MDFIC: variants seen among roughly 807,000 people sequenced by gnomAD.
MDFIC encodes myoD family inhibitor domain-containing protein.
In MDFIC, 17 loss-of-function variants were observed where a neutral mutation model predicts 23.2. That is an observed-to-expected ratio of 0.73 (90% CI 0.50 to 1.10). MDFIC has a LOEUF of 1.10. Among genes scored for constraint, MDFIC ranks in the 50% least tolerant of loss-of-function variants. The probability of loss-of-function intolerance (pLI) is 0.00; values close to 1 mark genes in which losing one functional copy is unlikely to be tolerated. For missense variants in MDFIC, 356 were observed against 316.6 expected, an observed-to-expected ratio of 1.12 and a Z score of -0.95; for synonymous variants, 120 against 115.2, an observed-to-expected ratio of 1.04 and a Z score of -0.27.
Position 114,923,125 on chromosome 7 carries a change from A to C in MDFIC, c.92A>C (p.Gln31Pro). ...GGCGGCCAGCTGGGCTCCACAGCCC[A>C]GGGTGAGTGCGCGCTTGCAAGTGGC... ...AGGGQLGSTA[Q>P]GKCDKDNTEK... is the part of the protein sequence containing the mutation. The change falls in exon 2 of 5, where the codon CAG becomes CCG. Residue 31 changes from glutamine (Q) to proline (P), a missense_variant and splice_region_variant. Coordinates refer to ENST00000393486, the MANE Select transcript of MDFIC (RefSeq NM_001166345.3). 6.6e-7 allele frequency: 1 copy of C among 1,518,408 alleles called. No homozygotes were observed. The highest frequency in any genetic ancestry group is 8.8e-7 in the Non-Finnish European group (1 of 1,136,372). The allele number at this position is 1,518,408 out of a possible 1,614,324, so 94.1% of individuals were successfully genotyped here.
chr7:115,019,101 T>C lies in MDFIC; in HGVS notation c.*3166T>C, dbSNP rs1791854074. On this transcript the variant is annotated 3_prime_UTR_variant, in exon 5 of 5. Transcript: ENST00000393486. ...TAGAAAAACTAAGGTAATTTTACAA[T>C]ATATGCTGAGATTAAAAACCAAGGT... The C allele has an allele frequency of 6.6e-6, 1 of 151,912 alleles. No homozygotes were observed. Among genetic ancestry groups the C allele is most frequent in the Non-Finnish European group, 1.5e-5 (1 of 67,888 alleles). The allele number at this position is 151,912 out of a possible 1,614,324, so 9.4% of individuals were successfully genotyped here. A position where few individuals can be genotyped will look rare whatever the true frequency, so the allele number is the denominator to read the frequency against.
At chr7:114,953,484 G>A (rs1456263102) in intron 3 of MDFIC, among the ~76,000 whole-genome samples, 1 of 152,144 alleles carries the variant, frequency 6.6e-6, no homozygotes, top group East Asian at 1.9e-4. Flanking sequence ...TTACCAATCT[G>A]GTCCTGGATA....
At chr7:114,959,243 A>G (rs1792941999) in intron 3 of MDFIC, among the ~76,000 whole-genome samples, 1 of 152,198 alleles carries the variant, frequency 6.6e-6, no homozygotes, top group Admixed American at 6.5e-5. Context: ...CCTGGTCAGT[A>G]ATAATGACAG....
intron 4 of MDFIC, among the ~76,000 whole-genome samples, chr7:114,981,487 C>T (rs1190584881): frequency 2.0e-5 from 3 of 152,060 alleles, no homozygotes; most frequent in African/African-American, 7.2e-5. Flanking sequence ...CTCCCCCTTC[C>T]CTCCCTCTTT....
At chr7:115,003,862 A>T (rs1317827878) in intron 4 of MDFIC, among the ~76,000 whole-genome samples, 1 of 152,134 alleles carries the variant, frequency 6.6e-6, no homozygotes, top group African/African-American at 2.4e-5. Context: ...TCCATCTTAC[A>T]AATCTGAATT....
chr7:114,976,627 G>T (rs17137497), intron 3 of MDFIC, among the ~76,000 whole-genome samples: 2 of 152,064 alleles, frequency 1.3e-5, no homozygotes, highest in South Asian at 4.2e-4. Context: ...ACTGAAAAAC[G>T]GTAACAGGAT....
chr7:115,000,425 G>T (rs116470416), intron 4 of MDFIC, among the ~76,000 whole-genome samples: 130 of 152,220 alleles, frequency 8.5e-4, no homozygotes, highest in African/African-American at 3.0e-3. Flanking sequence ...AAAATCCTGG[G>T]TATTCTATGT....
chr7:114,979,777 T>G lies in MDFIC; in HGVS notation c.489T>G (p.Pro163=). Residue 163 remains proline (P), a synonymous_variant, in exon 4 of 5, where the codon CCT becomes CCG. Transcript: ENST00000393486. ...AVFSQKTGSS[P]EDCCVHCILA... The stretch of plus-strand genomic sequence containing the variant: ...TTTCCCAAAAGACAGGCTCTTCACC[T>G]GAAGGTAAGTTTGAGATATATGTAG... The G allele has an allele frequency of 6.2e-7, 1 of 1,612,924 alleles. No individual in the cohort carries two copies. The highest frequency in any genetic ancestry group is 8.5e-7 in the Non-Finnish European group (1 of 1,179,226).
chr7:114,937,830 G>T (rs756886240), intron 2 of MDFIC, among the ~76,000 whole-genome samples: 1 of 152,126 alleles, frequency 6.6e-6, no homozygotes, highest in South Asian at 2.1e-4. Context: ...GATGCCAGTG[G>T]TGTTCAACTA....
intron 2 of MDFIC, among the ~76,000 whole-genome samples, chr7:114,932,000 C>T (rs2594463): frequency 0.013 from 1,976 of 152,240 alleles, 38 homozygotes; most frequent in African/African-American, 0.045. Context: ...TGTTTGTAAA[C>T]GCAGACGCTG....
In MDFIC at chr7:114,942,313, C is replaced by G; in HGVS notation, c.133C>G (p.Gln45Glu). The G allele has an allele frequency of 1.9e-6, 3 of 1,584,730 alleles. No individual in the cohort carries two copies. The highest frequency in any genetic ancestry group is 2.6e-6 in the Non-Finnish European group (3 of 1,156,468). The change falls in exon 3 of 5, where the codon CAA becomes GAA. Residue 45 changes from glutamine to glutamate, a missense_variant. By Grantham distance (29) the Gln-to-Glu change is conservative. Coordinates refer to ENST00000393486, the MANE Select transcript of MDFIC (RefSeq NM_001166345.3). ...DKDNTEKDIT[Q>E]ATNSHFTHGE... ...AGACAATACTGAGAAAGATATAACT[C>G]AAGCTACCAATAGCCACTTCACACA...
intron 3 of MDFIC, among the ~76,000 whole-genome samples, chr7:114,950,302 A>C (rs1281488842): frequency 1.3e-5 from 2 of 152,180 alleles, no homozygotes; most frequent in East Asian, 1.9e-4. Flanking sequence ...GTAGCCAGTA[A>C]GACATATAGG....
intron 1 of MDFIC, 21 bp downstream of exon 1, chr7:114,922,657 G>A (rs746753075): frequency 1.5e-6 from 2 of 1,309,586 alleles, no homozygotes; most frequent in Non-Finnish European, 9.8e-7. Flanking sequence ...GTCTCCGGGC[G>A]GGGAAGAGGA....
At chr7:114,931,532 T>C (rs1376704281) in intron 2 of MDFIC, among the ~76,000 whole-genome samples, 2 of 152,184 alleles carry the variant, frequency 1.3e-5, no homozygotes, top group Non-Finnish European at 2.9e-5. Context: ...GAATGTATAG[T>C]TTTGCCCACA....
rs559191539 is a variant in MDFIC at position 114,955,268 on chromosome 7, C to G, written c.217+12871C>G. 2.6e-5 allele frequency among the ~76,000 whole-genome samples: 4 copies of G among 152,174 alleles called. No individual in the cohort carries two copies. In the East Asian group the frequency reaches 7.7e-4, roughly 29 times the overall value. On this transcript the variant is annotated intron_variant, in intron 3 of 4. Transcript: ENST00000393486. The stretch of plus-strand genomic sequence containing the variant: ...AAAATTGAAATAAATTGATTTTTTT[C>G]TCTACTACTTCCTTTCATGAACTTT...
intron 4 of MDFIC, among the ~76,000 whole-genome samples, chr7:114,999,003 T>G (rs1317566021): frequency 1.3e-5 from 2 of 152,154 alleles, no homozygotes; most frequent in African/African-American, 4.8e-5. Context: ...TACTCCAAAG[T>G]ACACCTTCCA....
Position 114,942,393 on chromosome 7 carries a change from T to C in MDFIC, c.213T>C (p.Ile71=). The change falls in exon 3 of 5, where the codon ATT becomes ATC. Residue 71 remains isoleucine (I), a synonymous_variant. Transcript: ENST00000393486. ...GAAATCCTTCGGATGGTGAACTCAT[T>C]AGAAGTAAGTATTTTTAGAAAAAAC... ...IWGNPSDGEL[I]RTQPQRLPQL... The C allele has an allele frequency of 6.4e-7, 1 of 1,570,802 alleles. No homozygotes were observed. The highest frequency in any genetic ancestry group is 8.6e-7 in the Non-Finnish European group (1 of 1,162,374).
At chr7:115,000,195 C>T (rs976302140) in intron 4 of MDFIC, among the ~76,000 whole-genome samples, 2 of 152,156 alleles carry the variant, frequency 1.3e-5, no homozygotes, top group African/African-American at 4.8e-5. Context: ...TATACAAATA[C>T]TTACCATTGT....
intron 3 of MDFIC, among the ~76,000 whole-genome samples, chr7:114,945,325 G>C (rs1792623274): frequency 6.6e-6 from 1 of 152,122 alleles, no homozygotes; most frequent in African/African-American, 2.4e-5. Flanking sequence ...CTAATTAAAG[G>C]GTGTATTCTC....
Sources: allele counts gnomAD v4.1 joint callset (sites outside exome capture counted in the v4.1 genomes callset), GRCh38; gene constraint gnomAD v4.1.1; transcripts MANE v1.5; gene names NCBI Gene and HGNC (gene_info 2026-07-23, HGNC 2026-07-21).